APOLD1: variants seen among roughly 807,000 people sequenced by gnomAD.
The protein encoded by APOLD1 is apolipoprotein L domain-containing protein 1.
A neutral mutation model predicts 15.3 loss-of-function variants in APOLD1; 22 were observed. That is an observed-to-expected ratio of 1.44 (90% CI 1.03 to 2.05). APOLD1 has a LOEUF of 2.05. APOLD1 is among the 30% of genes most tolerant of loss of function. The pLI, the probability that APOLD1 is intolerant of heterozygous loss-of-function variation, is 0.00. For missense variants in APOLD1, 394 were observed against 353.5 expected (o/e 1.11, Z -0.92); for synonymous variants, 190 against 167.4 (o/e 1.13, Z -1.04).
intron 1 of APOLD1, among the ~76,000 whole-genome samples, chr12:12,760,516 A>G (rs1293980718): frequency 6.6e-6 from 1 of 151,700 alleles, no homozygotes; most frequent in Non-Finnish European, 1.5e-5. Flanking sequence ...CTGGGCGCCT[A>G]TAATCCCAGC....
At chr12:12,781,272 G>A (rs1193622014), upstream of APOLD1, among the ~76,000 whole-genome samples, 3 of 151,884 alleles carry the variant, frequency 2.0e-5, no homozygotes, top group Non-Finnish European at 4.4e-5. Context: ...ATGAAACCCC[G>A]TCTCTACTAA....
At chr12:12,769,373 A>G (rs902824890) in intron 1 of APOLD1, among the ~76,000 whole-genome samples, 4 of 152,244 alleles carry the variant, frequency 2.6e-5, no homozygotes, top group Non-Finnish European at 4.4e-5. Context: ...AGGTGAATGC[A>G]GATAATCACA....
chr12:12,757,942 T>C (rs1048571926), intron 1 of APOLD1, among the ~76,000 whole-genome samples: 3 of 146,790 alleles, frequency 2.0e-5, no homozygotes, highest in African/African-American at 7.6e-5. Flanking sequence ...AATATCTTTT[T>C]TTTTTTTTTT....
At chr12:12,745,138 G>A (rs1345426475) in intron 1 of APOLD1, among the ~76,000 whole-genome samples, 1 of 152,182 alleles carries the variant, frequency 6.6e-6, no homozygotes, top group African/African-American at 2.4e-5. Context: ...GGCCTTTGTT[G>A]AATTAAGCAG....
chr12:12,787,456 C>A lies in APOLD1; in HGVS notation c.551C>A (p.Ala184Glu). ...GSRGFLIPRRAEGDTKVSQAV... is the reference protein window; with the variant it reads ...GSRGFLIPRREEGDTKVSQAV... ...CGTGGCTTCCTCATCCCCAGGCGGG[C>A]GGAGGGGGACACCAAGGTTAGCCAG... is the stretch of plus-strand genomic sequence containing the variant. Residue 184 changes from alanine to glutamate, a missense_variant, in exon 2 of 2, where the codon GCG (alanine) becomes GAG (glutamate). Ala to Glu is a moderately radical substitution (Grantham distance 107, BLOSUM62 -1). Transcript: ENST00000356591. The surrounding 1 kb of genome is among the most constrained non-coding windows in gnomAD (Gnocchi z 4.9). The A allele has an allele frequency of 6.2e-7, 1 of 1,614,154 alleles. No individual in the cohort carries two copies. The highest frequency in any genetic ancestry group is 8.5e-7 in the Non-Finnish European group (1 of 1,180,016).
chr12:12,780,285 C>T (rs1392938971), intron 1 of APOLD1, among the ~76,000 whole-genome samples: 1 of 150,476 alleles, frequency 6.6e-6, no homozygotes, highest in Non-Finnish European at 1.5e-5. Context: ...GGCTCTATTG[C>T]CCAGGCTGGA....
chr12:12,746,309 A>G (rs1946764317), intron 1 of APOLD1, among the ~76,000 whole-genome samples: 1 of 152,206 alleles, frequency 6.6e-6, no homozygotes, highest in Non-Finnish European at 1.5e-5. Context: ...CAACCTGGCC[A>G]ACATGGTGAA....
At chr12:12,746,370 C>G (rs1946765363) in intron 1 of APOLD1, among the ~76,000 whole-genome samples, 1 of 152,150 alleles carries the variant, frequency 6.6e-6, no homozygotes, top group Admixed American at 6.5e-5. Context: ...GTGGCAGATG[C>G]CTGTAATCCC....
Position 12,767,066 on chromosome 12 carries a change from T to G in APOLD1, c.97-19843T>G, listed in dbSNP as rs1431282262. On this transcript the variant is annotated intron_variant, in intron 1 of 1. Transcript: ENST00000326765. ...TTCGAGACCAGCCTAACAAATATGG[T>G]GAAACCTCATCTCTATTAAAAATAC... 2.0e-5 allele frequency among the ~76,000 whole-genome samples: 3 copies of G among 151,286 alleles called. No homozygotes were observed. The East Asian group carries it at 5.9e-4, about 30-fold the overall frequency.
At chr12:12,741,434 T>G (rs558618173) in intron 1 of APOLD1, among the ~76,000 whole-genome samples, 2 of 152,300 alleles carry the variant, frequency 1.3e-5, no homozygotes, top group African/African-American at 4.8e-5. Flanking sequence ...AGGCTGGTCT[T>G]GAACTCCTGA....
chr12:12,726,206 T>C (rs1028258083), intron 1 of APOLD1: 2 of 816,320 alleles, frequency 2.5e-6, no homozygotes, highest in African/African-American at 1.8e-5. Context: ...AAATGTGTTA[T>C]TTCAACCGCC....
intron 1 of APOLD1, among the ~76,000 whole-genome samples, chr12:12,749,329 C>T (rs1285172680): frequency 6.6e-6 from 1 of 152,076 alleles, no homozygotes; most frequent in Non-Finnish European, 1.5e-5. Flanking sequence ...GGTCTGGAAA[C>T]AGGGAACCTA....
intron 1 of APOLD1, among the ~76,000 whole-genome samples, chr12:12,754,370 A>T (rs1946839665): frequency 6.6e-6 from 1 of 151,938 alleles, no homozygotes; most frequent in Non-Finnish European, 1.5e-5. Context: ...GCCAACAATA[A>T]CTTTTAATTT....
chr12:12,744,144 C>T lies in APOLD1; in HGVS notation c.96+18048C>T, dbSNP rs563802420. On this transcript the variant is annotated intron_variant, in intron 1 of 1. Coordinates refer to the APOLD1 transcript ENST00000326765. ...CAGCCTGGGGAACATAGCAAGACTG[C>T]GTTTCTACTAATAAAAAATTAGCAA... 1.2e-4 allele frequency among the ~76,000 whole-genome samples: 18 copies of T among 151,860 alleles called. No homozygotes were observed. In the South Asian group the frequency reaches 3.1e-3, roughly 26 times the overall value.
chr12:12,765,565 T>C (rs1189389179), intron 1 of APOLD1, among the ~76,000 whole-genome samples: 4 of 152,230 alleles, frequency 2.6e-5, no homozygotes, highest in African/African-American at 9.6e-5. Flanking sequence ...ATGTTAATTC[T>C]GTTAACATTA....
chr12:12,785,792 A>G, intron 1 of APOLD1, 98 bp downstream of exon 1: 1 of 1,230,856 alleles, frequency 8.1e-7, no homozygotes, highest in Non-Finnish European at 1.2e-6. Context: ...TTATGGAAGC[A>G]TGGAAGTAAA....
intron 1 of APOLD1, among the ~76,000 whole-genome samples, chr12:12,736,537 ATAAAT>A (rs974718931): frequency 6.6e-6 from 1 of 152,204 alleles, no homozygotes; most frequent in African/African-American, 2.4e-5. Context: ...AAAAGAATAA[ATAAAT>A]AAAATAAAAT....
chr12:12,785,928 T>C (rs1014659898), intron 1 of APOLD1, among the ~76,000 whole-genome samples: 1 of 152,246 alleles, frequency 6.6e-6, no homozygotes, highest in Admixed American at 6.5e-5. Context: ...CCCTGATAGC[T>C]CAGTTTTGAA....
At chr12:12,734,750 A>G (rs1172903736) in intron 1 of APOLD1, among the ~76,000 whole-genome samples, 1 of 152,230 alleles carries the variant, frequency 6.6e-6, no homozygotes, top group Admixed American at 6.5e-5. Context: ...GAAAAAAAGC[A>G]CGTGAATGTG....
Sources: gnomAD v4.1 joint callset for allele counts (sites outside exome capture counted in the v4.1 genomes callset) on GRCh38, gnomAD v4.1.1 for gene constraint, Gnocchi (gnomAD v3.1) non-coding constraint, MANE v1.5 for transcripts, NCBI Gene and HGNC (gene_info 2026-07-23, HGNC 2026-07-21) for gene names.